Variants in PRH1 observed in about 807,000 individuals in gnomAD.
PRH1 encodes salivary acidic proline-rich phosphoprotein 1/2.
PRH1 carries 7 observed loss-of-function variants against 7.9 expected under a neutral mutation model. That is an observed-to-expected ratio of 0.89 (90% CI 0.50 to 1.67). The LOEUF is 1.67. Among genes scored for constraint, PRH1 ranks in the 40% most tolerant of loss-of-function variants. The pLI is 0.00. For missense variants in PRH1, 109 were observed against 223.6 expected (o/e 0.49, Z 3.27); for synonymous variants, 45 against 80.8 (o/e 0.56, Z 2.38).
Position 10,965,128 on chromosome 12 carries a change from T to G in PRH1, c.-59+8527A>C, listed in dbSNP as rs1421486479. Reference sequence around the variant, plus strand: ...TAGTAATTCTTACTCCTAAACTATATGAACCTGGATTCAAAACAGTTGCAT... The same window carrying G: ...TAGTAATTCTTACTCCTAAACTATAGGAACCTGGATTCAAAACAGTTGCAT... On this transcript the variant is annotated intron_variant, in intron 2 of 3. Transcript: ENST00000539853. 1.0e-5 allele frequency: 14 copies of G among 1,405,600 alleles called. No individual in the cohort carries two copies. In the Admixed American group the frequency reaches 2.5e-4, roughly 25 times the overall value. 87.1% of individuals were successfully genotyped at this position (1,405,600 alleles called of 1,614,324 possible).
chr12:10,994,798 T>C (rs1009510354), intron 1 of PRH1, among the ~76,000 whole-genome samples: 14 of 91,830 alleles, frequency 1.5e-4, no homozygotes, highest in African/African-American at 4.5e-4. Flanking sequence ...GGTAACTAAA[T>C]TTTTTAAATG....
intron 2 of PRH1, among the ~76,000 whole-genome samples, chr12:10,957,109 G>C (rs554537341): frequency 1.4e-5 from 2 of 148,132 alleles, no homozygotes; most frequent in Admixed American, 1.3e-4. Flanking sequence ...AAATAGCCAA[G>C]GCAATACCAA....
chr12:11,019,224 G>A (rs942392365), intron 1 of PRH1, among the ~76,000 whole-genome samples: 3 of 152,278 alleles, frequency 2.0e-5, no homozygotes, highest in African/African-American at 7.2e-5. Flanking sequence ...GCTTCCCCTT[G>A]TAACCCTTCT....
At position 11,081,554 on chromosome 12, in the gene PRH1, A is replaced by G. The variant is rs113989731; in HGVS notation, n.124-34366T>C. On this transcript the variant is annotated intron_variant and non_coding_transcript_variant, in intron 1 of 4. Coordinates refer to the PRH1 transcript ENST00000541977. Reference sequence around the variant, plus strand: ...ATTTACCTTCAATTTGAAAGAAACTAGAAATTAAGTTGATGTGAGTAGCTT... The same window carrying G: ...ATTTACCTTCAATTTGAAAGAAACTGGAAATTAAGTTGATGTGAGTAGCTT... 7.5e-4 allele frequency among the ~76,000 whole-genome samples: 76 copies of G among 100,718 alleles called. 1 individual carries two copies. The highest frequency in any genetic ancestry group is 1.1e-3 in the Non-Finnish European group (47 of 42,008). The allele number at this position is 100,718 out of a possible 152,430, so 66.1% of individuals were successfully genotyped here. A position where few individuals can be genotyped will look rare whatever the true frequency, so the allele number is the denominator to read the frequency against.
intron 2 of PRH1, among the ~76,000 whole-genome samples, chr12:10,919,907 C>CTTT (rs34966041): frequency 1.4e-5 from 2 of 145,488 alleles, no homozygotes. Flanking sequence ...TTTTTTTAAT[C>CTTT]TTTTTTTTTT....
intron 2 of PRH1, among the ~76,000 whole-genome samples, chr12:10,913,556 CTT>C (rs1242235012): frequency 2.6e-5 from 4 of 152,052 alleles, no homozygotes; most frequent in African/African-American, 9.7e-5. Flanking sequence ...TTTAACTTCT[CTT>C]TGTTATTAGG....
intron 2 of PRH1, among the ~76,000 whole-genome samples, chr12:10,961,825 T>C (rs978842600): frequency 6.6e-6 from 1 of 152,230 alleles, no homozygotes; most frequent in African/African-American, 2.4e-5. Flanking sequence ...CATGGACTAA[T>C]GCTGGCTGTG....
rs192182171 is a variant in PRH1 at position 10,904,055 on chromosome 12, C to A, written c.-58-19780G>T. Among the ~76,000 whole-genome samples the A allele has an allele frequency of 8.3e-4, 126 of 150,946 alleles. 1 individual carries two copies. Among genetic ancestry groups the A allele is most frequent in the Admixed American group, 6.7e-3 (102 of 15,138 alleles). On this transcript the variant is annotated intron_variant, in intron 2 of 3. Coordinates refer to the PRH1 transcript ENST00000539853. ...AACAAATGGAAAAGTATTCCATGCT[C>A]ATGGATAGGAAGAATGAATATTGTT...
At chr12:10,898,474 GTTATT>G (rs990799940) in intron 2 of PRH1, among the ~76,000 whole-genome samples, 1 of 152,152 alleles carries the variant, frequency 6.6e-6, no homozygotes, top group Non-Finnish European at 1.5e-5. Context: ...CTGAAAAAGG[GTTATT>G]TTATTTGTCT....
At chr12:11,057,100 G>A (rs1943394253) in intron 1 of PRH1, among the ~76,000 whole-genome samples, 1 of 151,814 alleles carries the variant, frequency 6.6e-6, no homozygotes, top group Admixed American at 6.6e-5. Flanking sequence ...TTGAAACCCT[G>A]GGCTCAAGCA....
intron 1 of PRH1, among the ~76,000 whole-genome samples, chr12:11,104,542 T>C (rs1003887908): frequency 6.6e-6 from 1 of 152,218 alleles, no homozygotes; most frequent in African/African-American, 2.4e-5. Flanking sequence ...TTAATTTTGA[T>C]CACTGTATAG....
At chr12:11,134,836 C>T (rs1248038584) in intron 1 of PRH1, among the ~76,000 whole-genome samples, 1 of 152,104 alleles carries the variant, frequency 6.6e-6, no homozygotes, top group Non-Finnish European at 1.5e-5. Context: ...ACAGGCAGGC[C>T]AATACTCCAT....
At chr12:11,124,383 A>C (rs1203012193) in intron 1 of PRH1, among the ~76,000 whole-genome samples, 1 of 152,300 alleles carries the variant, frequency 6.6e-6, no homozygotes, top group East Asian at 1.9e-4. Context: ...TTAGCCCTAA[A>C]ATCCTCTCTT....
chr12:10,894,355 A>T (rs1026521624), intron 2 of PRH1, among the ~76,000 whole-genome samples: 1 of 152,220 alleles, frequency 6.6e-6, no homozygotes, highest in Non-Finnish European at 1.5e-5. Context: ...ACTGAAAATG[A>T]CTGAAAATAT....
chr12:11,031,200 G>C, intron 1 of PRH1: 1 of 1,614,084 alleles, frequency 6.2e-7, no homozygotes, highest in Non-Finnish European at 8.5e-7. Flanking sequence ...GTGAGAATCT[G>C]GTCAGCAAAA....
At chr12:11,030,837 T>C (rs1168569412) in intron 1 of PRH1, 2 of 1,614,198 alleles carry the variant, frequency 1.2e-6, no homozygotes, top group Admixed American at 3.3e-5. Flanking sequence ...CTCCTCAATT[T>C]GATCTTCCAA....
chr12:11,156,844 ATTTT>A (rs141685387), intron 1 of PRH1, among the ~76,000 whole-genome samples: 247 of 139,144 alleles, frequency 1.8e-3, no homozygotes, highest in Admixed American at 1.8e-3. Flanking sequence ...GAAAACACCA[ATTTT>A]TTTTTTTTTT....
intron 1 of PRH1, among the ~76,000 whole-genome samples, chr12:10,988,729 T>C (rs1939776766): frequency 6.6e-6 from 1 of 152,104 alleles, no homozygotes; most frequent in Non-Finnish European, 1.5e-5. Flanking sequence ...TCCACCTCCA[T>C]GCCACTCTCC....
intron 1 of PRH1, among the ~76,000 whole-genome samples, chr12:11,060,152 C>G (rs1012588943): frequency 6.8e-6 from 1 of 146,346 alleles, no homozygotes. Context: ...AAAATTAATA[C>G]AGTCATGTAG....
Sources: allele counts gnomAD v4.1 joint callset (sites outside exome capture counted in the v4.1 genomes callset), GRCh38; gene constraint gnomAD v4.1.1; transcripts MANE v1.5; gene names NCBI Gene and HGNC (gene_info 2026-07-23, HGNC 2026-07-21).